MGAT4C: variants seen among roughly 807,000 people sequenced by gnomAD.
The protein encoded by MGAT4C is alpha-1,3-mannosyl-glycoprotein 4-beta-N-acetylglucosaminyltransferase C.
In MGAT4C, 19 loss-of-function variants were observed where a neutral mutation model predicts 40.1. That is an observed-to-expected ratio of 0.47 (90% CI 0.33 to 0.70). The LOEUF is 0.70. Among genes scored for constraint, MGAT4C ranks in the 30% least tolerant of loss-of-function variants. The pLI is 0.02. For synonymous variants in MGAT4C, 181 were observed against 187.1 expected, an observed-to-expected ratio of 0.97 and a Z score of 0.27; for missense variants, 491 against 563.2, an observed-to-expected ratio of 0.87 and a Z score of 1.30.
chr12:86,564,180 A>C (rs1314508843), intron 2 of MGAT4C, among the ~76,000 whole-genome samples: 1 of 152,266 alleles, frequency 6.6e-6, no homozygotes, highest in East Asian at 1.9e-4. Flanking sequence ...ATGACAGTGG[A>C]TTATAGTAAG....
At chr12:86,200,252 T>C (rs1049710163) in intron 1 of MGAT4C, among the ~76,000 whole-genome samples, 7 of 151,864 alleles carry the variant, frequency 4.6e-5, no homozygotes, top group African/African-American at 1.7e-4. Flanking sequence ...TTGCATTTTA[T>C]GAATATACTA....
In MGAT4C at chr12:86,446,682, T is replaced by TATATATATATACAC. The variant is rs1168258331; in HGVS notation, c.-228-11418_-228-11417insGTGTATATATATAT. On this transcript the variant is annotated intron_variant, in intron 2 of 7. Coordinates refer to the MGAT4C transcript ENST00000548651. ...TCATATATATATATATATATATATATATATATATATATATATATATATGGA... is the reference window on the plus strand; with the variant it reads ...TCATATATATATATATATATATATATATATATATATACACATATATATATATATATATATATGGA... Among the ~76,000 whole-genome samples, 6 of 113,446 alleles carry TATATATATATACAC rather than the reference T, an allele frequency of 5.3e-5. 1 individual carries two copies. The highest frequency in any genetic ancestry group is 7.5e-5 in the Non-Finnish European group (4 of 53,004). 74.4% of individuals were successfully genotyped at this position (113,446 alleles called of 152,430 possible). A position where few individuals can be genotyped will look rare whatever the true frequency, so the allele number is the denominator to read the frequency against.
At chr12:86,001,205 C>T (rs1887259385) in intron 2 of MGAT4C, among the ~76,000 whole-genome samples, 1 of 152,008 alleles carries the variant, frequency 6.6e-6, no homozygotes, top group South Asian at 2.1e-4. Flanking sequence ...GCCAGTTTAG[C>T]AAAAAATTAT....
intron 3 of MGAT4C, among the ~76,000 whole-genome samples, chr12:86,351,256 TG>T (rs776429741): frequency 3.9e-5 from 6 of 152,020 alleles, no homozygotes; most frequent in Non-Finnish European, 8.8e-5. Context: ...TAAGACATTT[TG>T]TTTAATAATG....
chr12:86,809,249 T>C (rs1246984630), intron 1 of MGAT4C, among the ~76,000 whole-genome samples: 1 of 152,102 alleles, frequency 6.6e-6, no homozygotes, highest in Non-Finnish European at 1.5e-5. Flanking sequence ...GAGTTTGTTC[T>C]TTTCCATTCA....
chr12:86,631,437 G>A (rs181199853), intron 2 of MGAT4C, among the ~76,000 whole-genome samples: 7 of 152,040 alleles, frequency 4.6e-5, no homozygotes, highest in South Asian at 4.2e-4. Context: ...AAAAGAGCCC[G>A]CATTGCCAAG....
At chr12:86,735,084 C>T (rs1051123170) in intron 1 of MGAT4C, among the ~76,000 whole-genome samples, 1 of 151,938 alleles carries the variant, frequency 6.6e-6, no homozygotes, top group Non-Finnish European at 1.5e-5. Flanking sequence ...TGTAGAGAAT[C>T]CAATCTACTT....
chr12:86,549,252 A>G (rs1050233848), intron 2 of MGAT4C, among the ~76,000 whole-genome samples: 2 of 152,110 alleles, frequency 1.3e-5, no homozygotes, highest in Non-Finnish European at 2.9e-5. Context: ...TACTTAAAAT[A>G]TATTGTATAT....
In MGAT4C at chr12:86,284,646, AC is replaced by A. The variant is rs763173711; in HGVS notation, c.-57+49418del. On this transcript the variant is annotated intron_variant, in intron 4 of 7. Coordinates refer to the MGAT4C transcript ENST00000548651. ...AAGAAACAGTGGAATCAAATAGGAAACCATGAAAAATCATTTGTCTGTATTA... is the reference window on the plus strand; with the variant it reads ...AAGAAACAGTGGAATCAAATAGGAAACATGAAAAATCATTTGTCTGTATTA... Among the ~76,000 whole-genome samples the A allele has an allele frequency of 1.4e-4, 21 of 152,150 alleles. No homozygotes were observed. The East Asian group carries it at 1.9e-3, about 14-fold the overall frequency.
intron 1 of MGAT4C, among the ~76,000 whole-genome samples, chr12:86,163,660 A>C (rs1196757876): frequency 1.3e-5 from 2 of 152,210 alleles, no homozygotes; most frequent in Non-Finnish European, 2.9e-5. Flanking sequence ...CTTTAAACAG[A>C]TCATTCTCTA....
intron 2 of MGAT4C, among the ~76,000 whole-genome samples, chr12:86,480,722 A>G (rs1957924104): frequency 6.6e-6 from 1 of 151,798 alleles, no homozygotes; most frequent in South Asian, 2.1e-4. Context: ...TTTTTATAAA[A>G]ACACATATTG....
intron 2 of MGAT4C, among the ~76,000 whole-genome samples, chr12:86,718,084 C>T (rs1950676356): frequency 6.6e-6 from 1 of 152,116 alleles, no homozygotes; most frequent in Non-Finnish European, 1.5e-5. Context: ...TTGATACAAA[C>T]TAATGATGCT....
intron 1 of MGAT4C, among the ~76,000 whole-genome samples, chr12:86,069,325 A>G (rs759961738): frequency 2.6e-5 from 4 of 152,202 alleles, no homozygotes; most frequent in Non-Finnish European, 5.9e-5. Context: ...GAGATAATGT[A>G]GATTTACTCC....
intron 2 of MGAT4C, among the ~76,000 whole-genome samples, chr12:86,007,572 T>A (rs1468966315): frequency 6.6e-6 from 1 of 151,944 alleles, no homozygotes. Context: ...AGAATTCAAA[T>A]AAAGTATAAA....
At position 85,979,488 on chromosome 12, in the gene MGAT4C, A is replaced by G. The variant is rs746382301; in HGVS notation, c.1238T>C (p.Val413Ala). ...NDILHHGALD[V>A]GENVMPSKQR... ...TTTGCTAGGCATAACGTTTTCCCCA[A>G]CATCTAGGGCTCCATGATGCAAAAT... The change falls in exon 5 of 5, where the codon GTT (valine) becomes GCT (alanine). Residue 413 changes from valine (V) to alanine (A), a missense_variant. Val to Ala is a moderately conservative substitution (Grantham distance 64, BLOSUM62 0). Transcript: ENST00000611864. 1.2e-5 allele frequency: 19 copies of G among 1,613,146 alleles called. No individual in the cohort carries two copies. Among genetic ancestry groups the G allele is most frequent in the Non-Finnish European group, 4.2e-6 (5 of 1,179,504 alleles).
chr12:86,281,792 T>C (rs1433610703), intron 4 of MGAT4C, among the ~76,000 whole-genome samples: 2 of 152,168 alleles, frequency 1.3e-5, no homozygotes, highest in Non-Finnish European at 2.9e-5. Flanking sequence ...TTCTGAGCTT[T>C]TGTTCATGAG....
At chr12:86,059,340 C>A (rs146648107) in intron 1 of MGAT4C, among the ~76,000 whole-genome samples, 20 of 152,332 alleles carry the variant, frequency 1.3e-4, no homozygotes, top group African/African-American at 4.8e-4. Flanking sequence ...CCGCACCCAG[C>A]CTTAACATGT....
rs982692840 is a variant in MGAT4C at position 86,650,466 on chromosome 12, T to C, written c.-229+76743A>G. On this transcript the variant is annotated intron_variant, in intron 2 of 7. Transcript: ENST00000548651. Reference sequence around the variant, plus strand: ...CCAGAAATGTGTATTGAGAGCTCCATTAGGTGCACAGGAACACAGCAGTGA... The same window carrying C: ...CCAGAAATGTGTATTGAGAGCTCCACTAGGTGCACAGGAACACAGCAGTGA... 9.9e-5 allele frequency among the ~76,000 whole-genome samples: 15 copies of C among 151,914 alleles called. 1 individual carries two copies. In the South Asian group the frequency reaches 1.7e-3, roughly 17 times the overall value.
At chr12:86,158,462 A>G (rs1885225158) in intron 1 of MGAT4C, among the ~76,000 whole-genome samples, 1 of 152,194 alleles carries the variant, frequency 6.6e-6, no homozygotes, top group African/African-American at 2.4e-5. Context: ...GGTATGGAAT[A>G]TGTAAATGTT....
Sources: gnomAD v4.1 joint callset for allele counts (sites outside exome capture counted in the v4.1 genomes callset) on GRCh38, gnomAD v4.1.1 for gene constraint, MANE v1.5 for transcripts, NCBI Gene and HGNC (gene_info 2026-07-23, HGNC 2026-07-21) for gene names.